Variants in GREB1L observed in about 807,000 individuals in gnomAD.
The protein encoded by GREB1L is GREB1 like retinoic acid receptor coactivator.
A neutral mutation model predicts 200.8 loss-of-function variants in GREB1L; 17 were observed. The observed-to-expected ratio is 0.08, with a 90% CI of 0.06 to 0.13. The LOEUF is 0.13. GREB1L is among the 10% of genes least tolerant of loss of function. GREB1L has a pLI of 1.00. For missense variants in GREB1L, 1,657 were observed against 2,367.7 expected (o/e 0.70, Z 6.23); for synonymous variants, 789 against 893.0 (o/e 0.88, Z 2.08).
chr18:21,483,579 G>C (rs1027326280), intron 17 of GREB1L, among the ~76,000 whole-genome samples: 17 of 152,026 alleles, frequency 1.1e-4, no homozygotes, highest in Admixed American at 6.6e-5. Context: ...CAGGGTTTTG[G>C]GGGGGACCTC....
rs572487916 is a variant in GREB1L, at chr18:21,406,197, G to A, written c.832+2203G>A. ...GAAGTAATACAATTTTAATTCTACC[G>A]GAAAATATAATTTGTAAACAAATTT... is the stretch of plus-strand genomic sequence containing the variant. On this transcript the variant is annotated intron_variant, in intron 7 of 32. Transcript: ENST00000424526. 4.6e-5 allele frequency among the ~76,000 whole-genome samples: 7 copies of A among 152,106 alleles called. No individual in the cohort carries two copies. In the South Asian group the frequency reaches 6.2e-4, roughly 14 times the overall value.
chr18:21,455,869 T>G, intron 15 of GREB1L, among the ~76,000 whole-genome samples: 1 of 149,986 alleles, frequency 6.7e-6, no homozygotes, highest in East Asian at 2.0e-4. Context: ...TCAGTGAGTC[T>G]GGGTTGTGCT....
rs1355341256 is a variant in GREB1L at position 21,395,535 on chromosome 18, A to G, written c.506A>G (p.Asp169Gly). 2 of 1,549,916 alleles carry G rather than the reference A, an allele frequency of 1.3e-6. No individual in the cohort carries two copies. The highest frequency in any genetic ancestry group is 2.7e-5 in the African/African-American group (2 of 72,938). Reference sequence around the variant, plus strand: ...GCTGTGGACAAGCGATTTCTACCAGATGATCATGGAAAAAATGCACTTTTA... The same window carrying G: ...GCTGTGGACAAGCGATTTCTACCAGGTGATCATGGAAAAAATGCACTTTTA... Reference protein sequence around the residue: ...VCAVDKRFLPDDHGKNALLGF... With the variant: ...VCAVDKRFLPGDHGKNALLGF... The change falls in exon 5 of 33, where the codon GAT (aspartate) becomes GGT (glycine). Residue 169 changes from aspartate to glycine, a missense_variant. This residue lies in a region of GREB1L where 70 missense variants were observed against 151.3 expected (regional missense o/e 0.46). Coordinates refer to ENST00000424526, the MANE Select transcript of GREB1L (RefSeq NM_001142966.3).
chr18:21,377,965 A>G (rs1294457840), intron 2 of GREB1L, among the ~76,000 whole-genome samples: 2 of 152,174 alleles, frequency 1.3e-5, no homozygotes, highest in African/African-American at 4.8e-5. Flanking sequence ...TCCTGGCCTC[A>G]AGCAATCCTA....
intron 31 of GREB1L, among the ~76,000 whole-genome samples, chr18:21,519,170 T>A (rs1374260318): frequency 6.6e-6 from 1 of 152,090 alleles, no homozygotes; most frequent in Non-Finnish European, 1.5e-5. Context: ...TTAAAAACCA[T>A]CAGATATAAA....
intron 17 of GREB1L, 25 bp downstream of exon 17, chr18:21,477,381 T>A: frequency 6.6e-7 from 1 of 1,509,080 alleles, no homozygotes; most frequent in Non-Finnish European, 9.0e-7. Context: ...TGCTGTCTGA[T>A]ACACTGTCAT....
intron 1 of GREB1L, among the ~76,000 whole-genome samples, chr18:21,337,339 G>A (rs1399523079): frequency 2.0e-5 from 3 of 152,036 alleles, no homozygotes; most frequent in Non-Finnish European, 2.9e-5. Context: ...AAAGAGCCTA[G>A]TTGATAAACA....
In GREB1L at chr18:21,525,704, TGA is replaced by T. The variant is rs1178465930; in HGVS notation, c.*2887_*2888del. ...TCCAGTTAAAACTTCTCAAACTTTT[TGA>T]GAGTGTCTCAAAGTTGCTAGAACTA... On this transcript the variant is annotated 3_prime_UTR_variant, in exon 33 of 33. Transcript: ENST00000424526. Among the ~76,000 whole-genome samples the T allele has an allele frequency of 6.6e-6, 1 of 152,248 alleles. No homozygotes were observed. The highest frequency in any genetic ancestry group is 1.5e-5 in the Non-Finnish European group (1 of 68,052).
intron 1 of GREB1L, among the ~76,000 whole-genome samples, chr18:21,340,132 T>C (rs781754397): frequency 1.1e-4 from 17 of 152,208 alleles, no homozygotes; most frequent in South Asian, 6.2e-4. Context: ...TAGAAAAACA[T>C]TGGGGCCGGG....
At chr18:21,333,926 G>C (rs769921576) in intron 1 of GREB1L, among the ~76,000 whole-genome samples, 21 of 151,732 alleles carry the variant, frequency 1.4e-4, no homozygotes, top group Non-Finnish European at 2.4e-4. Context: ...AGGCTGCAGT[G>C]AGTCATGGTT....
chr18:21,318,072 C>T (rs560060239), intron 1 of GREB1L, among the ~76,000 whole-genome samples: 3 of 142,492 alleles, frequency 2.1e-5, no homozygotes, highest in East Asian at 2.1e-4. Flanking sequence ...CATGCCACTG[C>T]ACTCCAGCCT....
At position 21,449,620 on chromosome 18, in the gene GREB1L, G is replaced by A. The variant is rs1246476738; in HGVS notation, c.1504G>A (p.Val502Met). The A allele has an allele frequency of 6.4e-7, 1 of 1,551,394 alleles. No homozygotes were observed. Among genetic ancestry groups the A allele is most frequent in the Non-Finnish European group, 8.7e-7 (1 of 1,146,732 alleles). Residue 502 changes from valine to methionine, a missense_variant, in exon 12 of 33, where the codon GTG becomes ATG. Val to Met is a conservative substitution (Grantham distance 21). Transcript: ENST00000424526. ...ALQIGAQCVP[V>M]SPGQLPWLAR... ...GCAGATAGGTGCTCAGTGTGTCCCTGTGTCACCAGGACAACTCCCCTGGCT... is the reference window on the plus strand; with the variant it reads ...GCAGATAGGTGCTCAGTGTGTCCCTATGTCACCAGGACAACTCCCCTGGCT...
At chr18:21,481,521 C>G (rs1248314189) in intron 17 of GREB1L, among the ~76,000 whole-genome samples, 3 of 136,628 alleles carry the variant, frequency 2.2e-5, no homozygotes, top group Non-Finnish European at 4.7e-5. Context: ...TTACCTGTTT[C>G]TTGTTTATAT....
At chr18:21,342,554 A>G (rs2039284708) in intron 1 of GREB1L, among the ~76,000 whole-genome samples, 3 of 152,202 alleles carry the variant, frequency 2.0e-5, no homozygotes, top group Admixed American at 2.0e-4. Context: ...AATGGCATTC[A>G]TCTGGAATGC....
At chr18:21,243,138 G>A (rs2037532847) in intron 1 of GREB1L, among the ~76,000 whole-genome samples, 1 of 152,122 alleles carries the variant, frequency 6.6e-6, no homozygotes, top group Non-Finnish European at 1.5e-5. Flanking sequence ...CAGACAGCGA[G>A]TGAGGTGCGC....
At chr18:21,505,611 G>A in intron 24 of GREB1L, 44 bp downstream of exon 24, 1 of 1,542,538 alleles carries the variant, frequency 6.5e-7, no homozygotes, top group Non-Finnish European at 8.8e-7. Flanking sequence ...GGGTTAAGGG[G>A]ACACTAGCTC....
intron 7 of GREB1L, among the ~76,000 whole-genome samples, chr18:21,418,402 T>G (rs937479164): frequency 3.3e-5 from 5 of 152,242 alleles, no homozygotes; most frequent in African/African-American, 9.6e-5. Flanking sequence ...TCTACATTAC[T>G]TATAATACTG....
At chr18:21,246,495 T>G (rs1050687100) in intron 1 of GREB1L, among the ~76,000 whole-genome samples, 2 of 152,210 alleles carry the variant, frequency 1.3e-5, no homozygotes, top group African/African-American at 4.8e-5. Flanking sequence ...TGCATTTCTT[T>G]AGTCTTATAC....
chr18:21,405,086 A>T (rs903579003), intron 7 of GREB1L, among the ~76,000 whole-genome samples: 33 of 152,330 alleles, frequency 2.2e-4, no homozygotes, highest in African/African-American at 7.7e-4. Context: ...ATGTGCCTGT[A>T]CTCAGCTAAG....
Sources: allele counts gnomAD v4.1 joint callset (sites outside exome capture counted in the v4.1 genomes callset), GRCh38; gene constraint gnomAD v4.1.1; regional missense constraint gnomAD v4.1.1; transcripts MANE v1.5; gene names NCBI Gene and HGNC (gene_info 2026-07-23, HGNC 2026-07-21).